The following ANP32E variants were observed in gnomAD, a reference collection of about 807,000 sequenced individuals.
ANP32E encodes acidic leucine-rich nuclear phosphoprotein 32 family member E.
ANP32E carries 14 observed loss-of-function variants against 35.3 expected under a neutral mutation model. That is an observed-to-expected ratio of 0.40 (90% CI 0.26 to 0.62). ANP32E has a LOEUF of 0.62. Ranked by LOEUF, ANP32E falls within the 20% of genes least tolerant of loss-of-function variation. The pLI, the probability that ANP32E is intolerant of heterozygous loss-of-function variation, is 0.45. For synonymous variants in ANP32E, 89 were observed against 110.4 expected, an observed-to-expected ratio of 0.81 and a Z score of 1.22; for missense variants, 198 against 304.4, an observed-to-expected ratio of 0.65 and a Z score of 2.60.
intron 3 of ANP32E, among the ~76,000 whole-genome samples, chr1:150,229,652 A>G (rs1269717637): frequency 6.6e-6 from 1 of 152,060 alleles, no homozygotes; most frequent in Non-Finnish European, 1.5e-5. Flanking sequence ...CTAATTTTGT[A>G]TTTTTATTAG....
chr1:150,229,423 G>A (rs954241147), intron 3 of ANP32E, among the ~76,000 whole-genome samples, 186 bp from the exon 4 acceptor site: 12 of 144,764 alleles, frequency 8.3e-5, no homozygotes, highest in African/African-American at 3.1e-4. Flanking sequence ...TCAGCCTCCC[G>A]AGTAGCTGGG....
intron 2 of ANP32E, among the ~76,000 whole-genome samples, chr1:150,231,148 C>T (rs782041920): frequency 5.6e-4 from 85 of 152,332 alleles, no homozygotes; most frequent in Middle Eastern, 3.4e-3. Context: ...TTCCTTTCTA[C>T]ATCTGCCAAA....
At chr1:150,228,782 T>A (rs1033475604) in intron 4 of ANP32E, among the ~76,000 whole-genome samples, 4 of 152,142 alleles carry the variant, frequency 2.6e-5, no homozygotes, top group South Asian at 4.1e-4. Context: ...GTTGCTTTTT[T>A]AAAAAAATAC....
Position 150,226,712 on chromosome 1 carries a change from CT to C in ANP32E, c.576del (p.Glu193ArgfsTer29), listed in dbSNP as rs782265810. On this transcript the variant is annotated frameshift_variant, in exon 5 of 7. Transcript: ENST00000583931. LOFTEE classifies it high-confidence loss of function. ...TCTTCATCCTCATCCTCATCCTCCT[CT>C]TCCTCTTCCTCCTCCTCTTCCTCAT... is the stretch of plus-strand genomic sequence containing the variant. ...EGYEEEEEEE[E>X]EEDEDEDEDE... 2.7e-5 allele frequency: 22 copies of C among 804,606 alleles called. No homozygotes were observed. In the Middle Eastern group the frequency reaches 2.1e-3, roughly 77 times the overall value. 49.8% of individuals were successfully genotyped at this position (804,606 alleles called of 1,614,324 possible).
chr1:150,220,037 A>G lies in ANP32E; in HGVS notation c.*654T>C, dbSNP rs1648207684. 1 of 152,134 alleles carries G rather than the reference A, an allele frequency of 6.6e-6. No homozygotes were observed. Among genetic ancestry groups the G allele is most frequent in the African/African-American group, 2.4e-5 (1 of 41,414 alleles). The allele number at this position is 152,134 out of a possible 1,614,324, so 9.4% of individuals were successfully genotyped here. ...CATGTCTCTGGACTTAGTATAAGCAATTTTTCCTTCAAAAATAAAATCTTA... is the reference window on the plus strand; with the variant it reads ...CATGTCTCTGGACTTAGTATAAGCAGTTTTTCCTTCAAAAATAAAATCTTA... On this transcript the variant is annotated 3_prime_UTR_variant, in exon 7 of 7. Transcript: ENST00000583931.
chr1:150,228,064 C>A (rs1649019829), intron 4 of ANP32E, among the ~76,000 whole-genome samples: 1 of 151,146 alleles, frequency 6.6e-6, no homozygotes, highest in African/African-American at 2.4e-5. Context: ...TCTGCCTATT[C>A]TGAACCATAT....
rs1553843117 is a variant in ANP32E at position 150,235,688 on chromosome 1, G to C, written c.54+45C>G. On this transcript the variant is annotated intron_variant, in intron 1 of 6. Coordinates refer to ENST00000583931, the MANE Select transcript of ANP32E (RefSeq NM_030920.5). This position sits in a 1 kb window ranked among gnomAD's most constrained non-coding sequence, Gnocchi z 4.2. ...AGGACCACCAGAAATCCGATCCTCA[G>C]AATACTGGACTGATGGGGAAGCGGT... 2 of 1,611,198 alleles carry C rather than the reference G, an allele frequency of 1.2e-6. No individual in the cohort carries two copies. The highest frequency in any genetic ancestry group is 1.7e-6 in the Non-Finnish European group (2 of 1,178,566).
At chr1:150,234,701 G>A in intron 1 of ANP32E, 2 of 984,002 alleles carry the variant, frequency 2.0e-6, no homozygotes, top group Non-Finnish European at 2.4e-6. Context: ...ACGGGGCGGG[G>A]ACTCCCCAAG....
At chr1:150,223,334 G>T in intron 5 of ANP32E, 94 bp from the exon 6 acceptor site, 2 of 1,451,988 alleles carry the variant, frequency 1.4e-6, no homozygotes, top group Non-Finnish European at 1.9e-6. Flanking sequence ...AAGAAACTAT[G>T]GTTATTCTGT....
In ANP32E at chr1:150,226,524, G is replaced by A. The variant is rs587692273; in HGVS notation, c.681+84C>T. 2,146 of 1,513,506 alleles carry A rather than the reference G, an allele frequency of 1.4e-3. 4 individuals are homozygous for A. Among genetic ancestry groups the A allele is most frequent in the Non-Finnish European group, 1.7e-3 (1,943 of 1,128,238 alleles). The allele number at this position is 1,513,506 out of a possible 1,614,324, so 93.8% of individuals were successfully genotyped here. On this transcript the variant is annotated intron_variant, in intron 5 of 6. Transcript: ENST00000583931. ...ACCCACAACTTAGAAACAACTCTCA[G>A]ATTGCTACAAAACACACTTTATATA...
chr1:150,233,342 T>G (rs1221851940), intron 1 of ANP32E, among the ~76,000 whole-genome samples: 1 of 151,654 alleles, frequency 6.6e-6, no homozygotes, highest in Non-Finnish European at 1.5e-5. Flanking sequence ...CCTCCTTCTC[T>G]TTGGTTGATA....
chr1:150,233,264 C>CAA (rs60732970), intron 1 of ANP32E, among the ~76,000 whole-genome samples: 93 of 86,222 alleles, frequency 1.1e-3, no homozygotes, highest in East Asian at 6.1e-3. Context: ...GACTCTATCT[C>CAA]AAAAAAAAAA....
chr1:150,232,703 C>T (rs1167483138), intron 1 of ANP32E, among the ~76,000 whole-genome samples: 5 of 151,890 alleles, frequency 3.3e-5, no homozygotes, highest in African/African-American at 7.3e-5. Context: ...GAACTCCTGA[C>T]CTCAGGTGAT....
chr1:150,235,652 C>A lies in ANP32E; in HGVS notation c.54+81G>T, dbSNP rs587686180. On this transcript the variant is annotated intron_variant, in intron 1 of 6. Transcript: ENST00000583931. This position sits in a 1 kb window ranked among gnomAD's most constrained non-coding sequence, Gnocchi z 4.2. ...GGGCTAACTTATTACTCCATCCCCG[C>A]ACACCCACCCAGGACCACCAGAAAT... The A allele has an allele frequency of 6.4e-7, 1 of 1,560,532 alleles. No homozygotes were observed. The highest frequency in any genetic ancestry group is 1.4e-5 in the African/African-American group (1 of 73,662).
rs1457132953 is a variant in ANP32E, at chr1:150,228,131, CAG to C, written c.493+939_493+940del. ...TTGCTTTTTTGTTTTGTTTTTGAGA[CAG>C]AGTCTAACTCTGTCGCCCAGGCTAC... On this transcript the variant is annotated intron_variant, in intron 4 of 6. Coordinates refer to ENST00000583931, the MANE Select transcript of ANP32E (RefSeq NM_030920.5). 2.6e-5 allele frequency among the ~76,000 whole-genome samples: 4 copies of C among 151,262 alleles called. No individual in the cohort carries two copies. The East Asian group carries it at 7.8e-4, about 30-fold the overall frequency.
At chr1:150,222,158 C>G (rs7532164) in intron 6 of ANP32E, among the ~76,000 whole-genome samples, 2 of 151,842 alleles carry the variant, frequency 1.3e-5, no homozygotes, top group African/African-American at 4.8e-5. Context: ...CGGTGGCTCA[C>G]GCCTATAATC....
At chr1:150,221,115 C>A (rs1386227777) in intron 6 of ANP32E, among the ~76,000 whole-genome samples, 281 of 68,906 alleles carry the variant, frequency 4.1e-3, no homozygotes, top group Admixed American at 5.4e-3. Flanking sequence ...ACTTTGTCTC[C>A]AAAAAAAAAA....
chr1:150,223,010 T>TAA (rs144787701), intron 6 of ANP32E, among the ~76,000 whole-genome samples, 176 bp downstream of exon 6: 2 of 148,208 alleles, frequency 1.3e-5, no homozygotes, highest in East Asian at 3.9e-4. Context: ...CAATTACTCT[T>TAA]AAAAAAAAAA....
chr1:150,221,097 C>T (rs1224441577), intron 6 of ANP32E, among the ~76,000 whole-genome samples: 3 of 90,762 alleles, frequency 3.3e-5, no homozygotes, highest in African/African-American at 1.3e-4. Flanking sequence ...CCTGGGCAAC[C>T]GAGCAAAACT....
Sources: allele counts gnomAD v4.1 joint callset (sites outside exome capture counted in the v4.1 genomes callset), GRCh38; gene constraint gnomAD v4.1.1; non-coding constraint Gnocchi (gnomAD v3.1); transcripts MANE v1.5; gene names NCBI Gene and HGNC (gene_info 2026-07-23, HGNC 2026-07-21).